Variants in VPS39 observed in about 807,000 individuals in gnomAD.
VPS39 encodes the protein VPS39 subunit of HOPS complex.
Under a neutral mutation model 121.0 loss-of-function variants are expected in VPS39, and 70 were observed. The ratio of observed to expected loss-of-function variants is 0.58; its 90% confidence interval spans 0.48 to 0.71. The LOEUF (loss-of-function observed/expected upper bound fraction) is 0.71, where lower values mean the gene tolerates loss of function less well. Ranked by LOEUF, VPS39 falls within the 30% of genes least tolerant of loss-of-function variation. The pLI is 0.00. For missense variants in VPS39, 818 were observed against 1,051.5 expected, an observed-to-expected ratio of 0.78 and a Z score of 3.07; for synonymous variants, 378 against 398.1, an observed-to-expected ratio of 0.95 and a Z score of 0.60.
At position 42,192,418 on chromosome 15, in the gene VPS39, G is replaced by A. The variant is rs139175614; in HGVS notation, c.140-858C>T. Among the ~76,000 whole-genome samples, 583 of 152,298 alleles carry A rather than the reference G, an allele frequency of 3.8e-3. 3 individuals are homozygous for A. Among genetic ancestry groups the A allele is most frequent in the Admixed American group, 7.3e-3 (112 of 15,304 alleles). ...GTGAGGGAGCCTACAAGCAAACCCA[G>A]GCTGACTCTAAAGCCTGTGCTCTGA... On this transcript the variant is annotated intron_variant, in intron 2 of 24. Coordinates refer to ENST00000318006, the MANE Select transcript of VPS39 (RefSeq NM_015289.5).
chr15:42,183,303 T>C (rs2049626735), intron 8 of VPS39, among the ~76,000 whole-genome samples: 1 of 151,720 alleles, frequency 6.6e-6, no homozygotes, highest in Admixed American at 6.6e-5. Context: ...GGTTTCACCA[T>C]GTTGCCCAGG....
chr15:42,191,938 C>T (rs979385242), intron 2 of VPS39: 7 of 1,145,596 alleles, frequency 6.1e-6, no homozygotes, highest in South Asian at 2.8e-5. Flanking sequence ...AAACCCAGCC[C>T]AAAGCATCCT....
At chr15:42,180,534 C>T (rs1359892005) in intron 8 of VPS39, among the ~76,000 whole-genome samples, 1 of 152,168 alleles carries the variant, frequency 6.6e-6, no homozygotes, top group Non-Finnish European at 1.5e-5. Flanking sequence ...ACCATAAAAT[C>T]ATTGCAAATC....
intron 11 of VPS39, 37 bp from the exon 12 acceptor site, chr15:42,169,903 G>C: frequency 6.4e-7 from 1 of 1,569,522 alleles, no homozygotes; most frequent in Non-Finnish European, 8.7e-7. Context: ...CTGGAAAGGA[G>C]CCCAACAATT....
chr15:42,165,901 A>G (rs781184895), intron 16 of VPS39, 85 bp from the exon 17 acceptor site: 110 of 1,352,060 alleles, frequency 8.1e-5, no homozygotes, highest in Admixed American at 1.2e-4. Context: ...GCAGGGATCA[A>G]ACAGACTTTA....
chr15:42,161,825 A>G lies in VPS39; in HGVS notation c.2461-52T>C, dbSNP rs544380776. ...AAGTTCTACAGTGTGGCACCCAGAA[A>G]CAGGAGGCAGAGGCCAGCAACTGTG... is the stretch of plus-strand genomic sequence containing the variant. On this transcript the variant is annotated intron_variant, in intron 23 of 24. Transcript: ENST00000318006. 3.1e-6 allele frequency: 5 copies of G among 1,605,908 alleles called. No individual in the cohort carries two copies. In the South Asian group the frequency reaches 4.4e-5, roughly 14 times the overall value.
At chr15:42,178,673 A>G in intron 8 of VPS39, 103 bp from the exon 9 acceptor site, 1 of 1,496,042 alleles carries the variant, frequency 6.7e-7, no homozygotes, top group Non-Finnish European at 9.1e-7. Context: ...GATCTCCAAA[A>G]AGTCCCCTAG....
At chr15:42,178,678 C>T (rs935703197) in intron 8 of VPS39, 108 bp from the exon 9 acceptor site, 8 of 1,479,516 alleles carry the variant, frequency 5.4e-6, no homozygotes, top group Non-Finnish European at 7.4e-6. Context: ...CCAAAAAGTC[C>T]CCTAGTCAAA....
At chr15:42,164,561 G>A in intron 18 of VPS39, 75 bp from the exon 19 acceptor site, 1 of 1,577,822 alleles carries the variant, frequency 6.3e-7, no homozygotes, top group Non-Finnish European at 8.6e-7. Flanking sequence ...AAAATGAAGG[G>A]AATGGGGTTC....
intron 21 of VPS39, among the ~76,000 whole-genome samples, 179 bp downstream of exon 21, chr15:42,163,171 C>G (rs888456956): frequency 3.3e-5 from 5 of 152,154 alleles, no homozygotes; most frequent in Admixed American, 6.5e-5. Context: ...TACGCCAGAA[C>G]TACCCCAAGC....
In VPS39 at chr15:42,166,576, A is replaced by C; in HGVS notation, c.1593T>G (p.Tyr531Ter). ...AGGCGGACTTACCCAGATGCTGCAG[A>C]TACTGCACTGTCCTCTCGTGGCCTT... Reference protein sequence around the residue: ...PLKGHERTVQYLQHLGTENLH... With the variant: ...PLKGHERTVQ Residue 531 changes from tyrosine to a stop codon, truncating the protein, a stop_gained, in exon 15 of 25, where the codon TAT (tyrosine) becomes TAG (stop). Coordinates refer to ENST00000318006, the MANE Select transcript of VPS39 (RefSeq NM_015289.5). LOFTEE classifies it high-confidence loss of function. The C allele has an allele frequency of 1.2e-6, 2 of 1,614,230 alleles. No homozygotes were observed. Among genetic ancestry groups the C allele is most frequent in the Non-Finnish European group, 1.7e-6 (2 of 1,180,038 alleles).
chr15:42,178,451 C>T lies in VPS39; in HGVS notation c.838G>A (p.Gly280Arg). 1 of 1,614,198 alleles carries T rather than the reference C, an allele frequency of 6.2e-7. No individual in the cohort carries two copies. The highest frequency in any genetic ancestry group is 1.7e-5 in the Admixed American group (1 of 60,030). Residue 280 changes from glycine to arginine, a missense_variant and splice_region_variant, in exon 9 of 25, where the codon GGA becomes AGA. Gly to Arg is a moderately radical substitution (Grantham distance 125). Coordinates refer to ENST00000318006, the MANE Select transcript of VPS39 (RefSeq NM_015289.5). ...LQRPRFITSGGSNIIYVASNH... is the reference protein window; with the variant it reads ...LQRPRFITSGRSNIIYVASNH... ...ATAGCAAAAAAAGAAATTCCTTACC[C>T]TCCTGAGGTAATGAAACGGGGCCTT...
intron 1 of VPS39, among the ~76,000 whole-genome samples, chr15:42,205,780 G>A (rs2050157363): frequency 6.6e-6 from 1 of 152,196 alleles, no homozygotes; most frequent in Non-Finnish European, 1.5e-5. Context: ...GACTACTACA[G>A]TAATTCAGGT....
At chr15:42,188,280 C>T (rs1595671347) in intron 5 of VPS39, among the ~76,000 whole-genome samples, 1 of 152,130 alleles carries the variant, frequency 6.6e-6, no homozygotes, top group East Asian at 1.9e-4. Context: ...AAAGAGTATT[C>T]CTAAGCATAA....
At chr15:42,166,097 G>T in intron 16 of VPS39, 62 bp downstream of exon 16, 1 of 1,493,518 alleles carries the variant, frequency 6.7e-7, no homozygotes, top group Non-Finnish European at 9.3e-7. Context: ...ATCCACTGCT[G>T]TCTCAAGTGC....
At chr15:42,205,613 G>C (rs745854302) in intron 1 of VPS39, among the ~76,000 whole-genome samples, 2 of 152,148 alleles carry the variant, frequency 1.3e-5, no homozygotes, top group Non-Finnish European at 2.9e-5. Flanking sequence ...TGCCAGACAG[G>C]GTGAAAACTT....
In VPS39 at chr15:42,199,981, C is replaced by G; in HGVS notation, c.74-20G>C. On this transcript the variant is annotated intron_variant, in intron 1 of 24. Coordinates refer to ENST00000318006, the MANE Select transcript of VPS39 (RefSeq NM_015289.5). ...ATTCCTCTGGAAAAACAAAACAAAA[C>G]AAAAACAAAAACAAAAAAAAACCAG... is the stretch of plus-strand genomic sequence containing the variant. The G allele has an allele frequency of 6.8e-7, 1 of 1,475,822 alleles. No individual in the cohort carries two copies. Among genetic ancestry groups the G allele is most frequent in the Non-Finnish European group, 8.9e-7 (1 of 1,119,916 alleles). 91.4% of individuals were successfully genotyped at this position (1,475,822 alleles called of 1,614,324 possible).
chr15:42,203,467 C>CT (rs1249726863), intron 1 of VPS39, among the ~76,000 whole-genome samples: 2 of 132,436 alleles, frequency 1.5e-5, no homozygotes, highest in Non-Finnish European at 3.0e-5. Context: ...GGGCAGGACT[C>CT]TGTCTCAAAA....
Position 42,160,744 on chromosome 15 carries a change from GA to G in VPS39, c.*9del, listed in dbSNP as rs774011986. On this transcript the variant is annotated 3_prime_UTR_variant, in exon 25 of 25. Coordinates refer to ENST00000318006, the MANE Select transcript of VPS39 (RefSeq NM_015289.5). ...AGCTGTCCATCCGCTGGATCCCCAG[GA>G]TGCTGGGCTCAAGTGTCAGCTGGGT... 3.7e-6 allele frequency: 6 copies of G among 1,613,154 alleles called. No homozygotes were observed. Among genetic ancestry groups the G allele is most frequent in the Non-Finnish European group, 4.2e-6 (5 of 1,179,210 alleles).
Sources: gnomAD v4.1 joint callset for allele counts (sites outside exome capture counted in the v4.1 genomes callset) on GRCh38, gnomAD v4.1.1 for gene constraint, MANE v1.5 for transcripts, NCBI Gene and HGNC (gene_info 2026-07-23, HGNC 2026-07-21) for gene names.